The following MAN2A1 variants were observed in gnomAD, a reference collection of about 807,000 sequenced individuals.
The protein encoded by MAN2A1 is mannosidase alpha class 2A member 1, also known as alpha-mannosidase 2.
Under a neutral mutation model 142.6 loss-of-function variants are expected in MAN2A1, and 76 were observed. The ratio of observed to expected loss-of-function variants is 0.53; its 90% CI spans 0.44 to 0.65. MAN2A1 has a LOEUF of 0.65. Among genes scored for constraint, MAN2A1 ranks in the 30% least tolerant of loss-of-function variants. The pLI is 0.00. For missense variants in MAN2A1, 1,311 were observed against 1,365.1 expected, an observed-to-expected ratio of 0.96 and a Z score of 0.62; for synonymous variants, 559 against 473.2, an observed-to-expected ratio of 1.18 and a Z score of -2.35.
chr5:109,844,266 G>A (rs1755291216), intron 17 of MAN2A1, among the ~76,000 whole-genome samples: 1 of 152,148 alleles, frequency 6.6e-6, no homozygotes, highest in African/African-American at 2.4e-5. Flanking sequence ...TTACTTTTAA[G>A]TCTGTAATAT....
chr5:109,766,644 T>C (rs1333004089), intron 5 of MAN2A1, among the ~76,000 whole-genome samples: 1 of 152,154 alleles, frequency 6.6e-6, no homozygotes, highest in African/African-American at 2.4e-5. Context: ...TTTTTGTAAC[T>C]GTGGGGTCTT....
At chr5:109,753,898 T>A (rs1404084513) in intron 4 of MAN2A1, among the ~76,000 whole-genome samples, 1 of 151,874 alleles carries the variant, frequency 6.6e-6, no homozygotes, top group Non-Finnish European at 1.5e-5. Context: ...CTCAATTTTT[T>A]TTTCTTTTTT....
chr5:109,694,589 T>C (rs1178906080), intron 1 of MAN2A1, among the ~76,000 whole-genome samples: 6 of 152,160 alleles, frequency 3.9e-5, no homozygotes, highest in Non-Finnish European at 7.3e-5. Flanking sequence ...CCTTAAGCTA[T>C]TCTCCTGCCT....
chr5:109,749,975 A>G (rs1419297357), intron 4 of MAN2A1, among the ~76,000 whole-genome samples: 1 of 152,038 alleles, frequency 6.6e-6, no homozygotes, highest in East Asian at 1.9e-4. Flanking sequence ...ATCATCACTA[A>G]CAACAGTGGC....
intron 1 of MAN2A1, among the ~76,000 whole-genome samples, chr5:109,698,670 A>G (rs1035652212): frequency 6.6e-6 from 1 of 152,248 alleles, no homozygotes; most frequent in African/African-American, 2.4e-5. Context: ...TTCCAAGAGC[A>G]GAGAAGACTC....
At chr5:109,819,090 T>C (rs1363696934) in intron 13 of MAN2A1, among the ~76,000 whole-genome samples, 1 of 152,228 alleles carries the variant, frequency 6.6e-6, no homozygotes, top group Non-Finnish European at 1.5e-5. Flanking sequence ...CAAGTACCCA[T>C]ACAACTATTC....
At chr5:109,735,507 G>C (rs149864918) in intron 4 of MAN2A1, among the ~76,000 whole-genome samples, 1,597 of 152,220 alleles carry the variant, frequency 0.01, 26 homozygotes, top group African/African-American at 0.036. Context: ...GCAGTGGCTG[G>C]TACCGGTTGT....
intron 3 of MAN2A1, among the ~76,000 whole-genome samples, chr5:109,720,620 G>A (rs960035753): frequency 6.6e-6 from 1 of 152,100 alleles, no homozygotes; most frequent in African/African-American, 2.4e-5. Flanking sequence ...GGCCACATTG[G>A]AAGAAAAATT....
intron 4 of MAN2A1, among the ~76,000 whole-genome samples, chr5:109,729,983 C>T (rs1232180373): frequency 5.3e-5 from 8 of 152,080 alleles, no homozygotes; most frequent in Non-Finnish European, 8.8e-5. Context: ...CAGTGCAAGA[C>T]TCTGCCTTGG....
intron 5 of MAN2A1, among the ~76,000 whole-genome samples, chr5:109,767,278 CT>C (rs1408315239): frequency 1.3e-5 from 2 of 152,076 alleles, no homozygotes; most frequent in African/African-American, 4.8e-5. Flanking sequence ...ATGTTAATGG[CT>C]AAAAGATGGC....
chr5:109,708,509 G>GAGACACACAC (rs1554072321), intron 1 of MAN2A1, among the ~76,000 whole-genome samples: 6 of 124,540 alleles, frequency 4.8e-5, no homozygotes, highest in African/African-American at 1.9e-4. Context: ...GAACTGATAG[G>GAGACACACAC]ACACACACAC....
chr5:109,796,233 T>C (rs1356683064), intron 12 of MAN2A1, among the ~76,000 whole-genome samples: 1 of 152,192 alleles, frequency 6.6e-6, no homozygotes, highest in Non-Finnish European at 1.5e-5. Flanking sequence ...TTTTTGAGTT[T>C]AAGTTCTTGC....
In MAN2A1 at chr5:109,784,847, A is replaced by C. The variant is rs1753555792; in HGVS notation, c.1681A>C (p.Arg561=). The C allele has an allele frequency of 6.2e-7, 1 of 1,613,224 alleles. No homozygotes were observed. The highest frequency in any genetic ancestry group is 2.2e-5 in the East Asian group (1 of 44,832). The change falls in exon 10 of 22, where the codon AGG becomes CGG. Residue 561 remains arginine, a synonymous_variant. Coordinates refer to ENST00000261483, the MANE Select transcript of MAN2A1 (RefSeq NM_002372.4). ...SLYTALTEAR[R]NLGLFQHHDA... ...TTACACGGCACTGACAGAAGCCAGA[A>C]GGAATTTGGGACTGTTTCAACATCA...
intron 14 of MAN2A1, 27 bp from the exon 15 acceptor site, chr5:109,820,193 C>T: frequency 1.3e-6 from 2 of 1,575,014 alleles, no homozygotes; most frequent in East Asian, 2.2e-5. Flanking sequence ...TGGTGAGTTG[C>T]TTATTATTAT....
Position 109,716,230 on chromosome 5 carries a change from A to G in MAN2A1, c.501A>G (p.Gln167=). Residue 167 remains glutamine (Q), a synonymous_variant, in exon 3 of 22, where the codon CAA becomes CAG. Transcript: ENST00000261483. The stretch of plus-strand genomic sequence containing the variant: ...ATGAATGGGACACTGAACCCCTTCA[A>G]GTCTTTGTGGTGCCTCATTCCCATA... The part of the protein sequence containing the change: ...ESNEWDTEPL[Q]VFVVPHSHND... 1.2e-6 allele frequency: 2 copies of G among 1,609,098 alleles called. No individual in the cohort carries two copies. The highest frequency in any genetic ancestry group is 1.7e-6 in the Non-Finnish European group (2 of 1,177,340).
intron 1 of MAN2A1, among the ~76,000 whole-genome samples, chr5:109,712,377 T>G (rs182760813): frequency 6.6e-5 from 10 of 152,326 alleles, no homozygotes; most frequent in African/African-American, 2.4e-4. Flanking sequence ...CTTTATCTTC[T>G]GAAAATACCT....
intron 5 of MAN2A1, among the ~76,000 whole-genome samples, chr5:109,763,836 C>G (rs1582873229): frequency 6.7e-6 from 1 of 150,248 alleles, no homozygotes; most frequent in East Asian, 2.0e-4. Context: ...GAGTCTCACT[C>G]TATCTCCCAG....
chr5:109,736,979 C>G (rs551939517), intron 4 of MAN2A1, among the ~76,000 whole-genome samples: 269 of 151,446 alleles, frequency 1.8e-3, no homozygotes, highest in Middle Eastern at 6.9e-3. Context: ...TTCTTTTTGA[C>G]TTAGGTATGT....
Position 109,867,049 on chromosome 5 carries a change from G to C in MAN2A1, c.*51G>C. ...AATCATTGGCTTTTATACCTTTCTT[G>C]GTTTGACGTGCAATAAAGAAGCACA... On this transcript the variant is annotated 3_prime_UTR_variant, in exon 22 of 22. Coordinates refer to ENST00000261483, the MANE Select transcript of MAN2A1 (RefSeq NM_002372.4). The C allele has an allele frequency of 6.8e-7, 1 of 1,472,390 alleles. No individual in the cohort carries two copies. Among genetic ancestry groups the C allele is most frequent in the Non-Finnish European group, 9.2e-7 (1 of 1,081,572 alleles). 91.2% of individuals were successfully genotyped at this position (1,472,390 alleles called of 1,614,324 possible).
Sources: allele counts gnomAD v4.1 joint callset (sites outside exome capture counted in the v4.1 genomes callset), GRCh38; gene constraint gnomAD v4.1.1; transcripts MANE v1.5; gene names NCBI Gene and HGNC (gene_info 2026-07-23, HGNC 2026-07-21).